PPP3CA: variants seen among roughly 807,000 people sequenced by gnomAD.
The protein encoded by PPP3CA is protein phosphatase 3 catalytic subunit alpha.
In PPP3CA, 14 loss-of-function variants were observed where a neutral mutation model predicts 66.5. The ratio of observed to expected loss-of-function variants is 0.21; its 90% CI spans 0.14 to 0.33. The LOEUF is 0.33. Ranked by LOEUF, PPP3CA falls within the 10% of genes least tolerant of loss-of-function variation. PPP3CA has a pLI of 1.00. For synonymous variants in PPP3CA, 232 were observed against 226.2 expected (o/e 1.03, Z -0.23); for missense variants, 317 against 639.5 (o/e 0.50, Z 5.44).
chr4:101,037,739 C>G (rs947587108), intron 11 of PPP3CA, among the ~76,000 whole-genome samples: 1 of 152,122 alleles, frequency 6.6e-6, no homozygotes. Flanking sequence ...TCTACAACTC[C>G]TGATTGCCTA....
chr4:101,177,841 A>AC (rs1178183723), intron 2 of PPP3CA, among the ~76,000 whole-genome samples: 1 of 151,692 alleles, frequency 6.6e-6, no homozygotes, highest in African/African-American at 2.4e-5. Flanking sequence ...CAAAAAAAAA[A>AC]CACAATTCCT....
At chr4:101,277,020 AGGT>A (rs1727517725) in intron 1 of PPP3CA, among the ~76,000 whole-genome samples, 2 of 144,932 alleles carry the variant, frequency 1.4e-5, no homozygotes, top group South Asian at 2.2e-4. Context: ...TGATATTTTC[AGGT>A]CCTAAAAGTC....
chr4:101,037,321 T>G (rs557403444), intron 11 of PPP3CA, among the ~76,000 whole-genome samples: 46 of 152,352 alleles, frequency 3.0e-4, no homozygotes, highest in African/African-American at 1.0e-3. Context: ...TTTATCTGAC[T>G]GGCAAACCCT....
chr4:101,130,010 T>G (rs1578476780), intron 2 of PPP3CA, among the ~76,000 whole-genome samples: 1 of 151,918 alleles, frequency 6.6e-6, no homozygotes, highest in African/African-American at 2.4e-5. Context: ...TGATACAAGG[T>G]TAGAGGAATT....
At chr4:101,295,027 C>T (rs1476612720) in intron 1 of PPP3CA, among the ~76,000 whole-genome samples, 3 of 152,098 alleles carry the variant, frequency 2.0e-5, no homozygotes, top group South Asian at 2.1e-4. Flanking sequence ...TCGGGCCGGG[C>T]GCGGTGGCTC....
chr4:101,302,051 C>G (rs1482891802), intron 1 of PPP3CA, among the ~76,000 whole-genome samples: 1 of 151,940 alleles, frequency 6.6e-6, no homozygotes, highest in Non-Finnish European at 1.5e-5. Context: ...TTTTTAGATA[C>G]TAGTTTTACT....
At chr4:101,073,989 A>C (rs1263203509) in intron 8 of PPP3CA, among the ~76,000 whole-genome samples, 1 of 152,190 alleles carries the variant, frequency 6.6e-6, no homozygotes, top group African/African-American at 2.4e-5. Flanking sequence ...GGGAAAAAGC[A>C]TATGCTGGGA....
rs1163406764 is a variant in PPP3CA, at chr4:101,255,035, CAAA to C, written c.59-58922_59-58920del. Among the ~76,000 whole-genome samples, 9 of 44,718 alleles carry C rather than the reference CAAA, an allele frequency of 2.0e-4. 1 individual carries two copies. The East Asian group carries it at 2.5e-3, about 12-fold the overall frequency. 29.3% of individuals were successfully genotyped at this position (44,718 alleles called of 152,430 possible). Reference sequence around the variant, plus strand: ...AACATAAGAAGCATGAGTCCCGTCTCAAAAAAAAAAAAAAAAAAAAGAAGCATG... The same window carrying C: ...AACATAAGAAGCATGAGTCCCGTCTCAAAAAAAAAAAAAAAAAGAAGCATG... On this transcript the variant is annotated intron_variant, in intron 1 of 13. Transcript: ENST00000394854.
At chr4:101,150,789 C>T (rs1723112169) in intron 2 of PPP3CA, among the ~76,000 whole-genome samples, 1 of 152,130 alleles carries the variant, frequency 6.6e-6, no homozygotes, top group South Asian at 2.1e-4. Flanking sequence ...TCGCTTCCTC[C>T]TTGGCACTCA....
intron 3 of PPP3CA, among the ~76,000 whole-genome samples, chr4:101,106,653 C>T (rs1730769541): frequency 6.6e-6 from 1 of 152,074 alleles, no homozygotes; most frequent in Admixed American, 6.5e-5. Flanking sequence ...TATCAGCAAA[C>T]TGTGGCTCAA....
At chr4:101,279,799 A>C (rs1443065207) in intron 1 of PPP3CA, among the ~76,000 whole-genome samples, 1 of 152,228 alleles carries the variant, frequency 6.6e-6, no homozygotes, top group Non-Finnish European at 1.5e-5. Context: ...GAAGAGACTC[A>C]TTCCAAGAAG....
At chr4:101,214,743 C>G (rs1464197977) in intron 1 of PPP3CA, among the ~76,000 whole-genome samples, 1 of 152,050 alleles carries the variant, frequency 6.6e-6, no homozygotes, top group East Asian at 1.9e-4. Context: ...CCAAAATCAC[C>G]TGGGAGATCT....
chr4:101,096,436 C>A (rs1052193181), intron 5 of PPP3CA, among the ~76,000 whole-genome samples: 2 of 152,164 alleles, frequency 1.3e-5, no homozygotes, highest in Admixed American at 1.3e-4. Flanking sequence ...AGGTTTACAA[C>A]CTTTTTGCTG....
intron 9 of PPP3CA, 142 bp downstream of exon 9, chr4:101,063,090 C>G (rs539208392): frequency 6.7e-5 from 67 of 1,001,242 alleles, no homozygotes; most frequent in Non-Finnish European, 7.6e-5. Context: ...TGACACACTG[C>G]CACTTCCAAA....
chr4:101,139,416 C>T (rs1313517593), intron 2 of PPP3CA, among the ~76,000 whole-genome samples: 1 of 151,684 alleles, frequency 6.6e-6, no homozygotes, highest in African/African-American at 2.4e-5. Context: ...GGGTCAAGCC[C>T]AGGATTCTTT....
intron 1 of PPP3CA, among the ~76,000 whole-genome samples, chr4:101,301,347 G>T (rs1295563345): frequency 6.7e-6 from 1 of 150,248 alleles, no homozygotes; most frequent in Non-Finnish European, 1.5e-5. Context: ...AATGAAATCT[G>T]TGTTATGAAT....
At chr4:101,334,810 C>A (rs111302484) in intron 1 of PPP3CA, among the ~76,000 whole-genome samples, 1 of 152,018 alleles carries the variant, frequency 6.6e-6, no homozygotes, top group Non-Finnish European at 1.5e-5. Context: ...GGCCTTTCTT[C>A]CCCCCAGAGA....
chr4:101,066,148 A>G (rs980932512), intron 8 of PPP3CA, among the ~76,000 whole-genome samples: 14 of 152,116 alleles, frequency 9.2e-5, no homozygotes, highest in African/African-American at 3.4e-4. Context: ...GCCTGAGTCT[A>G]AAGTCTCTGA....
At chr4:101,322,408 C>CTTTT (rs1254595877) in intron 1 of PPP3CA, among the ~76,000 whole-genome samples, 2 of 134,132 alleles carry the variant, frequency 1.5e-5, no homozygotes, top group East Asian at 2.2e-4. Flanking sequence ...CTACTGACAT[C>CTTTT]TTTTTTTTTT....
Sources: gnomAD v4.1 joint callset for allele counts (sites outside exome capture counted in the v4.1 genomes callset) on GRCh38, gnomAD v4.1.1 for gene constraint, MANE v1.5 for transcripts, NCBI Gene and HGNC (gene_info 2026-07-23, HGNC 2026-07-21) for gene names.